Variants in GRIK1 observed in about 807,000 individuals in gnomAD.
The protein encoded by GRIK1 is glutamate receptor ionotropic, kainate 1.
GRIK1 carries 69 observed loss-of-function variants against 105.7 expected under a neutral mutation model. That is an observed-to-expected ratio of 0.65 (90% CI 0.54 to 0.80). The LOEUF is 0.80. Among genes scored for constraint, GRIK1 ranks in the 30% least tolerant of loss-of-function variants. The pLI, the probability that GRIK1 is intolerant of heterozygous loss-of-function variation, is 0.00. For synonymous variants in GRIK1, 438 were observed against 431.3 expected, an observed-to-expected ratio of 1.02 and a Z score of -0.19; for missense variants, 1,109 against 1,167.3, an observed-to-expected ratio of 0.95 and a Z score of 0.73.
chr21:29,541,030 C>T (rs1263338629), intron 16 of GRIK1, among the ~76,000 whole-genome samples: 1 of 149,456 alleles, frequency 6.7e-6, no homozygotes, highest in Non-Finnish European at 1.5e-5. Flanking sequence ...TGCAGTGGTG[C>T]CAACTTGGCT....
At chr21:29,890,059 A>G (rs145045702) in intron 1 of GRIK1, among the ~76,000 whole-genome samples, 2 of 152,114 alleles carry the variant, frequency 1.3e-5, no homozygotes, top group Non-Finnish European at 2.9e-5. Flanking sequence ...TTTGACAATA[A>G]GTCATGTGAT....
At chr21:29,732,995 T>C (rs959305854) in intron 1 of GRIK1, among the ~76,000 whole-genome samples, 1 of 152,206 alleles carries the variant, frequency 6.6e-6, no homozygotes, top group African/African-American at 2.4e-5. Context: ...TTAAGTAGCA[T>C]GTGGCATTGA....
At chr21:29,914,395 A>G (rs749906599) in intron 1 of GRIK1, among the ~76,000 whole-genome samples, 1 of 152,012 alleles carries the variant, frequency 6.6e-6, no homozygotes, top group African/African-American at 2.4e-5. Flanking sequence ...AGGCACATGA[A>G]GAGAAATTCT....
chr21:29,858,316 T>G (rs2068528310), intron 1 of GRIK1, among the ~76,000 whole-genome samples: 1 of 152,182 alleles, frequency 6.6e-6, no homozygotes, highest in African/African-American at 2.4e-5. Context: ...GATTCTTCAA[T>G]AGTGACGTTT....
At chr21:29,922,984 T>C (rs2071239187) in intron 1 of GRIK1, among the ~76,000 whole-genome samples, 1 of 152,182 alleles carries the variant, frequency 6.6e-6, no homozygotes, top group African/African-American at 2.4e-5. Context: ...TTTCTTTTTA[T>C]TTGACCCGAA....
chr21:29,659,116 A>G (rs1165949294), intron 4 of GRIK1, among the ~76,000 whole-genome samples: 1 of 152,090 alleles, frequency 6.6e-6, no homozygotes, highest in Non-Finnish European at 1.5e-5. Flanking sequence ...TTTGTTATCT[A>G]GTTTTCTCCT....
At chr21:29,699,646 C>G (rs2146761443) in intron 1 of GRIK1, among the ~76,000 whole-genome samples, 1 of 151,550 alleles carries the variant, frequency 6.6e-6, no homozygotes, top group Non-Finnish European at 1.5e-5. Context: ...GTACATTTAT[C>G]AGCATCTTTT....
chr21:29,582,192 C>T (rs1438357262), intron 12 of GRIK1: 1 of 319,108 alleles, frequency 3.1e-6, no homozygotes, highest in African/African-American at 2.2e-5. Flanking sequence ...ACAAGGCATA[C>T]ATTTGGAATT....
chr21:29,624,840 A>G (rs1277613840), intron 7 of GRIK1, among the ~76,000 whole-genome samples: 1 of 152,226 alleles, frequency 6.6e-6, no homozygotes, highest in Non-Finnish European at 1.5e-5. Flanking sequence ...AGGTTAGTGG[A>G]GAGGGCTTGC....
At chr21:29,861,578 A>AACCAACAC in intron 1 of GRIK1, 2 of 187,746 alleles carry the variant, frequency 1.1e-5, no homozygotes, top group Admixed American at 6.3e-5. Context: ...AAAGTGTGGG[A>AACCAACAC]TTATAGGTGT....
intron 1 of GRIK1, among the ~76,000 whole-genome samples, chr21:29,783,639 T>C (rs927554742): frequency 1.3e-5 from 2 of 152,220 alleles, no homozygotes; most frequent in African/African-American, 4.8e-5. Context: ...TTCTGGCTTA[T>C]ATTTTTCCAG....
chr21:29,581,535 G>C lies in GRIK1; in HGVS notation c.1802C>G (p.Pro601Arg). Residue 601 changes from proline to arginine, a missense_variant, in exon 13 of 18, where the codon CCC (proline) becomes CGC (arginine). Pro to Arg is a moderately radical substitution (Grantham distance 103). Around this residue, in one of 5 missense-constraint regions of GRIK1, gnomAD observed 264 missense variants for 306.9 expected, o/e 0.86. Coordinates refer to ENST00000327783, the MANE Select transcript of GRIK1 (RefSeq NM_001330994.2). Reference sequence around the variant, plus strand: ...TGGGTGGGGGTTATACCACTCGTAGGGTGTAAACCTGTGGTAGTTAACAGA... The same window carrying C: ...TGGGTGGGGGTTATACCACTCGTAGCGTGTAAACCTGTGGTAGTTAACAGA... ...CVLFVIARFT[P>R]YEWYNPHPCN... 1.3e-6 allele frequency: 2 copies of C among 1,579,794 alleles called. No individual in the cohort carries two copies. Among genetic ancestry groups the C allele is most frequent in the African/African-American group, 2.7e-5 (2 of 74,282 alleles).
intron 1 of GRIK1, among the ~76,000 whole-genome samples, chr21:29,745,738 A>G (rs536332915): frequency 3.4e-4 from 52 of 152,336 alleles, no homozygotes; most frequent in African/African-American, 1.2e-3. Context: ...AAGTGGGTCC[A>G]TGAAACACAA....
intron 14 of GRIK1, among the ~76,000 whole-genome samples, chr21:29,563,672 G>A (rs2090540804): frequency 6.6e-6 from 1 of 152,230 alleles, no homozygotes; most frequent in South Asian, 2.1e-4. Context: ...AGTCTATCTT[G>A]TGGCAGTAAA....
chr21:29,652,279 T>C (rs1304535729), intron 5 of GRIK1, among the ~76,000 whole-genome samples: 1 of 152,184 alleles, frequency 6.6e-6, no homozygotes, highest in African/African-American at 2.4e-5. Flanking sequence ...TTCCAGGTCT[T>C]GCCACAAAGT....
intron 4 of GRIK1, among the ~76,000 whole-genome samples, chr21:29,665,763 C>A (rs1430192585): frequency 6.6e-6 from 1 of 152,144 alleles, no homozygotes; most frequent in Non-Finnish European, 1.5e-5. Context: ...CTCAAAGTTG[C>A]CTGTTTACAG....
chr21:29,920,286 G>C lies in GRIK1; in HGVS notation c.118+19097C>G, dbSNP rs148421168. ...AGTTTCATTTTCCCATTATTAGAAA[G>C]GGCTACTATATGTACACACACAGTC... is the stretch of plus-strand genomic sequence containing the variant. On this transcript the variant is annotated intron_variant, in intron 1 of 17. Transcript: ENST00000327783. Among the ~76,000 whole-genome samples, 9 of 152,092 alleles carry C rather than the reference G, an allele frequency of 5.9e-5. No homozygotes were observed. The East Asian group carries it at 1.7e-3, about 29-fold the overall frequency.
At position 29,558,198 on chromosome 21, in the gene GRIK1, G is replaced by C. The variant is rs140996298; in HGVS notation, c.2357-2896C>G. ...TGACTCTGCCAATCTTTGATTATGG[G>C]ACAGAGCTTGCAGCCATAAGGGAGT... On this transcript the variant is annotated intron_variant, in intron 15 of 17. Coordinates refer to ENST00000327783, the MANE Select transcript of GRIK1 (RefSeq NM_001330994.2). Among the ~76,000 whole-genome samples, 9 of 152,198 alleles carry C rather than the reference G, an allele frequency of 5.9e-5. No individual in the cohort carries two copies. The South Asian group carries it at 1.7e-3, about 28-fold the overall frequency.
chr21:29,883,998 G>T (rs574624886), intron 1 of GRIK1, among the ~76,000 whole-genome samples: 1 of 152,068 alleles, frequency 6.6e-6, no homozygotes, highest in Non-Finnish European at 1.5e-5. Flanking sequence ...AGGGGGGGAT[G>T]CTTTATGTAA....
Sources: allele counts gnomAD v4.1 joint callset (sites outside exome capture counted in the v4.1 genomes callset), GRCh38; gene constraint gnomAD v4.1.1; regional missense constraint gnomAD v4.1.1; transcripts MANE v1.5; gene names NCBI Gene and HGNC (gene_info 2026-07-23, HGNC 2026-07-21).